Variants in BRINP1 observed in about 807,000 individuals in gnomAD.
The protein encoded by BRINP1 is BMP/retinoic acid inducible neural specific 1, also known as BMP/retinoic acid-inducible neural-specific protein 1.
In BRINP1, 17 loss-of-function variants were observed where a neutral mutation model predicts 72.9. That is an observed-to-expected ratio of 0.23 (90% CI 0.16 to 0.35). The LOEUF (loss-of-function observed/expected upper bound fraction) is 0.35. Among genes scored for constraint, BRINP1 ranks in the 10% least tolerant of loss-of-function variants. BRINP1 has a pLI of 1.00. For missense variants in BRINP1, 850 were observed against 1,001.6 expected (o/e 0.85, Z 2.04); for synonymous variants, 418 against 378.5 (o/e 1.10, Z -1.21).
At chr9:119,308,366 G>T (rs772202154) in intron 2 of BRINP1, among the ~76,000 whole-genome samples, 1 of 152,208 alleles carries the variant, frequency 6.6e-6, no homozygotes, top group Non-Finnish European at 1.5e-5. Context: ...AGCCCCTGGA[G>T]TGGGGCAAGG....
chr9:119,268,289 T>TAGATAGATAGATAGATAGAC (rs1182856980), intron 2 of BRINP1, among the ~76,000 whole-genome samples: 11 of 148,708 alleles, frequency 7.4e-5, no homozygotes, highest in East Asian at 4.0e-4. Flanking sequence ...GATAGATAGA[T>TAGATAGATAGATAGATAGAC]AGATAGATAG....
chr9:119,261,096 T>C (rs1588181530), intron 2 of BRINP1, among the ~76,000 whole-genome samples: 1 of 152,328 alleles, frequency 6.6e-6, no homozygotes, highest in Non-Finnish European at 1.5e-5. Context: ...CTGATCAGAA[T>C]GGAACAAGCT....
At chr9:119,341,286 C>A (rs768614862) in intron 1 of BRINP1, among the ~76,000 whole-genome samples, 1 of 152,192 alleles carries the variant, frequency 6.6e-6, no homozygotes, top group Non-Finnish European at 1.5e-5. Context: ...TTTTTCATAA[C>A]GTAACTTTAA....
At chr9:119,355,451 G>A (rs57977455) in intron 1 of BRINP1, among the ~76,000 whole-genome samples, 1,645 of 152,116 alleles carry the variant, frequency 0.011, 33 homozygotes, top group African/African-American at 0.037. Context: ...ACACCCGGCC[G>A]GGCACGGTGG....
intron 7 of BRINP1, among the ~76,000 whole-genome samples, chr9:119,191,966 A>G (rs1174122452): frequency 6.6e-6 from 1 of 152,020 alleles, no homozygotes; most frequent in Admixed American, 6.6e-5. Context: ...TGGTGAACTA[A>G]TTTTCAACAA....
At chr9:119,254,614 A>G (rs1830426763) in intron 2 of BRINP1, among the ~76,000 whole-genome samples, 1 of 152,214 alleles carries the variant, frequency 6.6e-6, no homozygotes, top group South Asian at 2.1e-4. Context: ...CTTTTTTAAA[A>G]ATTCTAAGTA....
chr9:119,347,894 A>G (rs1056480144), intron 1 of BRINP1, among the ~76,000 whole-genome samples: 4 of 152,202 alleles, frequency 2.6e-5, no homozygotes, highest in African/African-American at 9.7e-5. Context: ...AGTCATATGC[A>G]TAGCATCCCC....
At chr9:119,189,408 T>C (rs1035903961) in intron 7 of BRINP1, among the ~76,000 whole-genome samples, 2 of 152,090 alleles carry the variant, frequency 1.3e-5, no homozygotes, top group Admixed American at 1.3e-4. Context: ...GACTCAACTA[T>C]AGGCTACCTA....
At chr9:119,199,800 C>CTTTTT (rs11375044) in intron 7 of BRINP1, among the ~76,000 whole-genome samples, 1 of 145,880 alleles carries the variant, frequency 6.9e-6, no homozygotes, top group African/African-American at 2.5e-5. Context: ...TCTTGTTCTT[C>CTTTTT]TTTTTTTTTT....
intron 1 of BRINP1, among the ~76,000 whole-genome samples, chr9:119,331,814 C>A (rs1831302540): frequency 6.6e-6 from 1 of 152,204 alleles, no homozygotes; most frequent in Non-Finnish European, 1.5e-5. Context: ...CCACTTTGGT[C>A]AAAATCGCCA....
chr9:119,343,426 C>T (rs937812290), intron 1 of BRINP1, among the ~76,000 whole-genome samples: 13 of 152,144 alleles, frequency 8.5e-5, no homozygotes, highest in African/African-American at 2.2e-4. Flanking sequence ...ACTTCTCCCC[C>T]GCTCACCTCT....
intron 2 of BRINP1, among the ~76,000 whole-genome samples, chr9:119,292,650 T>C (rs1017218996): frequency 5.9e-5 from 9 of 152,184 alleles, no homozygotes; most frequent in Admixed American, 5.9e-4. Flanking sequence ...CAACTTCTAG[T>C]ATGAAAAGTA....
At chr9:119,278,973 C>G (rs1489603017) in intron 2 of BRINP1, among the ~76,000 whole-genome samples, 3 of 151,882 alleles carry the variant, frequency 2.0e-5, no homozygotes, top group African/African-American at 7.3e-5. Context: ...TCCAAAATAT[C>G]CCAAAAAAGA....
chr9:119,235,200 C>T (rs931903656), intron 5 of BRINP1, among the ~76,000 whole-genome samples: 2 of 152,170 alleles, frequency 1.3e-5, no homozygotes, highest in African/African-American at 4.8e-5. Context: ...AAATATCAAT[C>T]TCTTCATGCT....
intron 7 of BRINP1, among the ~76,000 whole-genome samples, chr9:119,194,470 A>G (rs185603001): frequency 6.6e-6 from 1 of 152,202 alleles, no homozygotes; most frequent in Non-Finnish European, 1.5e-5. Context: ...GTTCTTTTAC[A>G]TAACACAGTT....
chr9:119,215,327 A>C (rs1829967017), intron 5 of BRINP1, among the ~76,000 whole-genome samples: 1 of 152,206 alleles, frequency 6.6e-6, no homozygotes, highest in Non-Finnish European at 1.5e-5. Context: ...GGTACCTATG[A>C]AAAGTCAGCA....
chr9:119,286,018 T>C (rs2118967577), intron 2 of BRINP1, among the ~76,000 whole-genome samples: 1 of 152,168 alleles, frequency 6.6e-6, no homozygotes, highest in East Asian at 1.9e-4. Context: ...ATTATCAGCA[T>C]CTTCAAAATC....
chr9:119,172,845 G>A (rs1203396815), intron 7 of BRINP1, among the ~76,000 whole-genome samples: 2 of 151,830 alleles, frequency 1.3e-5, no homozygotes, highest in Non-Finnish European at 2.9e-5. Flanking sequence ...ATCAATAAAT[G>A]TAATCCAGCA....
chr9:119,252,608 C>CTT (rs981585471), intron 2 of BRINP1, among the ~76,000 whole-genome samples: 1 of 151,026 alleles, frequency 6.6e-6, no homozygotes, highest in Non-Finnish European at 1.5e-5. Flanking sequence ...TCTTGGGTTG[C>CTT]TTTTTTCATA....
Sources: gnomAD v4.1 joint callset for allele counts (sites outside exome capture counted in the v4.1 genomes callset) on GRCh38, gnomAD v4.1.1 for gene constraint, MANE v1.5 for transcripts, NCBI Gene and HGNC (gene_info 2026-07-23, HGNC 2026-07-21) for gene names.